The following ECE1 variants were observed in gnomAD, a reference collection of about 807,000 sequenced individuals.
ECE1 encodes the protein endothelin-converting enzyme 1.
ECE1 carries 35 observed loss-of-function variants against 98.6 expected under a neutral mutation model. The ratio of observed to expected loss-of-function variants is 0.35; its 90% CI spans 0.27 to 0.47. The LOEUF is 0.47. ECE1 is among the 20% of genes least tolerant of loss of function. The pLI, the probability that ECE1 is intolerant of heterozygous loss-of-function variation, is 1.00. For missense variants in ECE1, 814 were observed against 1,025.3 expected, an observed-to-expected ratio of 0.79 and a Z score of 2.81; for synonymous variants, 394 against 407.1, an observed-to-expected ratio of 0.97 and a Z score of 0.39.
At chr1:21,309,787 T>TC (rs1638676996) in intron 1 of ECE1, among the ~76,000 whole-genome samples, 2 of 150,696 alleles carry the variant, frequency 1.3e-5, no homozygotes, top group Admixed American at 6.6e-5. Context: ...TCTTTCTTTT[T>TC]TTTTTTTTTT....
chr1:21,243,831 T>G (rs2098199703), intron 10 of ECE1, among the ~76,000 whole-genome samples: 1 of 152,230 alleles, frequency 6.6e-6, no homozygotes, highest in South Asian at 2.1e-4. Flanking sequence ...CGCTTTGTCC[T>G]CTGCAGGGCA....
Position 21,219,202 on chromosome 1 carries a change from C to G in ECE1, c.*753G>C, listed in dbSNP as rs888032295. On this transcript the variant is annotated 3_prime_UTR_variant, in exon 19 of 19. Transcript: ENST00000374893. This position sits in a 1 kb window ranked among gnomAD's most constrained non-coding sequence, Gnocchi z 4.5. ...GGCTTTGGGGATCAGAACTTCCCAG[C>G]TAGGGCTCCCACTGTTGGACTCAGG... 2.6e-5 allele frequency: 4 copies of G among 152,536 alleles called. No homozygotes were observed. The highest frequency in any genetic ancestry group is 7.2e-5 in the African/African-American group (3 of 41,470). 9.4% of individuals were successfully genotyped at this position (152,536 alleles called of 1,614,324 possible).
intron 3 of ECE1, among the ~76,000 whole-genome samples, chr1:21,277,959 CCT>C (rs1456932243): frequency 1.3e-5 from 2 of 152,172 alleles, no homozygotes; most frequent in South Asian, 2.1e-4. Flanking sequence ...TTTCTAGGCC[CCT>C]GAGTCCCCTC....
intron 1 of ECE1, among the ~76,000 whole-genome samples, chr1:21,338,968 A>G (rs1221962107): frequency 6.6e-6 from 1 of 151,914 alleles, no homozygotes; most frequent in African/African-American, 2.4e-5. Flanking sequence ...TGGGGAGAGG[A>G]GGCTTCTGGG....
chr1:21,275,360 C>T (rs1281893305), intron 3 of ECE1, among the ~76,000 whole-genome samples: 2 of 152,088 alleles, frequency 1.3e-5, no homozygotes, highest in East Asian at 1.9e-4. Context: ...TCTGGGAGGC[C>T]GAGGTGGGCG....
chr1:21,290,893 C>A (rs760145993), upstream of ECE1, among the ~76,000 whole-genome samples: 2 of 152,132 alleles, frequency 1.3e-5, no homozygotes, highest in African/African-American at 4.8e-5. The surrounding 1 kb of genome is among the most constrained non-coding windows in gnomAD (Gnocchi z 7.3). Flanking sequence ...AGCTCAGAGG[C>A]CTTTAAGCCA....
At position 21,255,919 on chromosome 1, in the gene ECE1, C is replaced by A. The variant is rs756843345; in HGVS notation, c.1020+28G>T. 2.5e-6 allele frequency: 4 copies of A among 1,612,716 alleles called. No homozygotes were observed. The Admixed American group carries it at 6.7e-5, about 27-fold the overall frequency. On this transcript the variant is annotated intron_variant, in intron 8 of 18. Coordinates refer to ENST00000374893, the MANE Select transcript of ECE1 (RefSeq NM_001397.3). ...GTCTGAAACCTGGAGGCCATCCCAG[C>A]CTCCCTAGCAGCCGGCGCTCAAGTT...
At chr1:21,323,248 G>A (rs1639000758) in intron 1 of ECE1, among the ~76,000 whole-genome samples, 1 of 152,164 alleles carries the variant, frequency 6.6e-6, no homozygotes, top group African/African-American at 2.4e-5. Context: ...GGGCGTAGGT[G>A]GAGAAAGGCC....
At chr1:21,301,222 C>T (rs1268939615) in intron 1 of ECE1, among the ~76,000 whole-genome samples, 5 of 152,172 alleles carry the variant, frequency 3.3e-5, no homozygotes, top group Admixed American at 2.6e-4. Context: ...GGGCCGGGCG[C>T]GGTGGCTCAC....
intron 10 of ECE1, among the ~76,000 whole-genome samples, chr1:21,243,394 A>C (rs2098199047): frequency 8.1e-6 from 1 of 122,790 alleles, no homozygotes; most frequent in African/African-American, 4.0e-5. Flanking sequence ...AAACACATAA[A>C]TATATTAAAA....
At chr1:21,262,992 C>T (rs567888401) in intron 4 of ECE1, among the ~76,000 whole-genome samples, 11 of 152,302 alleles carry the variant, frequency 7.2e-5, no homozygotes, top group South Asian at 6.2e-4. Context: ...CAAGGACTCG[C>T]GGGAGCATCT....
Position 21,307,110 on chromosome 1 carries a change from T to C in ECE1, c.4-16954A>G, listed in dbSNP as rs1166299790. Among the ~76,000 whole-genome samples, 1 of 152,176 alleles carries C rather than the reference T, an allele frequency of 6.6e-6. No individual in the cohort carries two copies. The highest frequency in any genetic ancestry group is 1.5e-5 in the Non-Finnish European group (1 of 68,022). Reference sequence around the variant, plus strand: ...TCTCCCTGCACTCAAGACTCTCCCCTTCCTCTGGGTCCAGCATGGGTCTCA... The same window carrying C: ...TCTCCCTGCACTCAAGACTCTCCCCCTCCTCTGGGTCCAGCATGGGTCTCA... On this transcript the variant is annotated intron_variant, in intron 1 of 18. Coordinates refer to the ECE1 transcript ENST00000415912. This position sits in a 1 kb window ranked among gnomAD's most constrained non-coding sequence, Gnocchi z 4.2.
intron 4 of ECE1, among the ~76,000 whole-genome samples, chr1:21,269,072 G>A (rs924415064): frequency 6.6e-6 from 1 of 152,170 alleles, no homozygotes; most frequent in Non-Finnish European, 1.5e-5. Flanking sequence ...TGGAGCAGCC[G>A]CTGGGGAAAG....
chr1:21,244,305 C>T (rs549379549), intron 10 of ECE1, among the ~76,000 whole-genome samples: 4 of 152,194 alleles, frequency 2.6e-5, no homozygotes, highest in Non-Finnish European at 5.9e-5. Context: ...TGTGGGCTCT[C>T]GGGGTACAGA....
At chr1:21,279,112 G>A (rs1008009872) in intron 3 of ECE1, 79 bp downstream of exon 3, 2 of 1,611,844 alleles carry the variant, frequency 1.2e-6, no homozygotes, top group Non-Finnish European at 8.5e-7. Flanking sequence ...GGCTTAAGCA[G>A]GGAAGCCCCC....
At chr1:21,332,604 A>AG (rs1639220631) in intron 1 of ECE1, among the ~76,000 whole-genome samples, 1 of 6,686 alleles carries the variant, frequency 1.5e-4, no homozygotes. Flanking sequence ...AGGGGGGAGG[A>AG]GGGGGGGAGA....
chr1:21,242,162 G>A (rs1284922917), intron 10 of ECE1, among the ~76,000 whole-genome samples: 1 of 152,188 alleles, frequency 6.6e-6, no homozygotes, highest in Admixed American at 6.5e-5. Context: ...AAGCAAGGCA[G>A]GGATCTGTTA....
Position 21,290,175 on chromosome 1 carries a change from C to T in ECE1, c.52-19G>A, listed in dbSNP as rs2098265145. 1 of 1,542,216 alleles carries T rather than the reference C, an allele frequency of 6.5e-7. No individual in the cohort carries two copies. The highest frequency in any genetic ancestry group is 8.7e-7 in the Non-Finnish European group (1 of 1,146,802). The stretch of plus-strand genomic sequence containing the variant: ...TCGACATCTGCAAGGCCAAATGCAG[C>T]ACGGACTCCCTCAGCGCCTCCATGG... On this transcript the variant is annotated intron_variant, in intron 1 of 18. Coordinates refer to ENST00000374893, the MANE Select transcript of ECE1 (RefSeq NM_001397.3). This position sits in a 1 kb window ranked among gnomAD's most constrained non-coding sequence, Gnocchi z 7.3.
chr1:21,250,058 C>A (rs1553357492), intron 8 of ECE1, among the ~76,000 whole-genome samples: 1 of 151,858 alleles, frequency 6.6e-6, no homozygotes, highest in Non-Finnish European at 1.5e-5. Context: ...GGATTACAGG[C>A]ATAAGCCACC....
Sources: allele counts gnomAD v4.1 joint callset (sites outside exome capture counted in the v4.1 genomes callset), GRCh38; gene constraint gnomAD v4.1.1; non-coding constraint Gnocchi (gnomAD v3.1); transcripts MANE v1.5; gene names NCBI Gene and HGNC (gene_info 2026-07-23, HGNC 2026-07-21).